The following TBC1D22A variants were observed in gnomAD, a reference collection of about 807,000 sequenced individuals.
The protein encoded by TBC1D22A is TBC1 domain family member 22A, also known as putative GTPase activator.
A neutral mutation model predicts 60.2 loss-of-function variants in TBC1D22A; 38 were observed. The ratio of observed to expected loss-of-function variants is 0.63; its 90% CI spans 0.49 to 0.83. TBC1D22A has a LOEUF of 0.83. Ranked by LOEUF, TBC1D22A falls within the 40% of genes least tolerant of loss-of-function variation. The probability of loss-of-function intolerance (pLI) is 0.00; values close to 1 mark genes in which losing one functional copy is unlikely to be tolerated. For synonymous variants in TBC1D22A, 302 were observed against 281.7 expected (o/e 1.07, Z -0.72); for missense variants, 628 against 701.0 (o/e 0.90, Z 1.18).
At chr22:47,099,073 A>G (rs945974101) in intron 11 of TBC1D22A, among the ~76,000 whole-genome samples, 34 of 152,242 alleles carry the variant, frequency 2.2e-4, no homozygotes, top group African/African-American at 8.0e-4. Context: ...CAGGGGTCCC[A>G]ATGCCAAGGC....
chr22:46,908,009 A>G (rs547601388), intron 7 of TBC1D22A, among the ~76,000 whole-genome samples: 1 of 152,354 alleles, frequency 6.6e-6, no homozygotes, highest in African/African-American at 2.4e-5. Flanking sequence ...CGAGGAGGCC[A>G]GAGAGCAGGG....
In TBC1D22A at chr22:46,862,900, G is replaced by T. The variant is rs1001343402; in HGVS notation, c.638-15753G>T. The stretch of plus-strand genomic sequence containing the variant: ...TCTCTTGAAGAGGCACCGTGGACCC[G>T]ATTTTAGAAATTTCTAAATTAAAAT... On this transcript the variant is annotated intron_variant, in intron 4 of 12. Coordinates refer to ENST00000337137, the MANE Select transcript of TBC1D22A (RefSeq NM_014346.5). Among the ~76,000 whole-genome samples, 4 of 152,174 alleles carry T rather than the reference G, an allele frequency of 2.6e-5. No homozygotes were observed. The East Asian group carries it at 7.7e-4, about 29-fold the overall frequency.
chr22:47,117,910 G>C (rs1255157386), intron 12 of TBC1D22A, among the ~76,000 whole-genome samples: 1 of 152,122 alleles, frequency 6.6e-6, no homozygotes, highest in African/African-American at 2.4e-5. Flanking sequence ...ATCACCTGAG[G>C]TTAGGAGTTC....
chr22:46,793,426 C>T (rs1168566566), intron 2 of TBC1D22A, 75 bp from the exon 3 acceptor site: 20 of 1,443,700 alleles, frequency 1.4e-5, no homozygotes, highest in Non-Finnish European at 1.8e-5. Flanking sequence ...GTCTTTTCAC[C>T]TGGGAATTCT....
chr22:47,078,244 C>T (rs185204774), intron 11 of TBC1D22A, among the ~76,000 whole-genome samples: 1 of 152,228 alleles, frequency 6.6e-6, no homozygotes, highest in Admixed American at 6.5e-5. Context: ...GCTCTCCTGG[C>T]TCTGAGCTCA....
intron 11 of TBC1D22A, among the ~76,000 whole-genome samples, chr22:47,088,803 C>T (rs561231047): frequency 6.6e-6 from 1 of 152,310 alleles, no homozygotes; most frequent in African/African-American, 2.4e-5. Flanking sequence ...TCAATTGCAG[C>T]ATCACCAGGA....
At chr22:46,920,056 T>TACG (rs61175295) in intron 8 of TBC1D22A, among the ~76,000 whole-genome samples, 1 of 128,732 alleles carries the variant, frequency 7.8e-6, no homozygotes, top group African/African-American at 2.8e-5. Context: ...TATGTGTTTG[T>TACG]TTGTATGTAT....
rs112025214 is a variant in TBC1D22A at position 47,172,076 on chromosome 22, A to T, written c.1426-1422A>T. 1.7e-3 allele frequency among the ~76,000 whole-genome samples: 216 copies of T among 124,004 alleles called. 4 individuals are homozygous for T. In the East Asian group the frequency reaches 0.054, roughly 31 times the overall value. The allele number at this position is 124,004 out of a possible 152,430, so 81.4% of individuals were successfully genotyped here. A position where few individuals can be genotyped will look rare whatever the true frequency, so the allele number is the denominator to read the frequency against. On this transcript the variant is annotated intron_variant, in intron 12 of 12. Transcript: ENST00000337137. Reference sequence around the variant, plus strand: ...GTGAGCCTACCCAGCACTCCCAGTGAGCCTACCCAGCACTCCCAGTGAGCT... The same window carrying T: ...GTGAGCCTACCCAGCACTCCCAGTGTGCCTACCCAGCACTCCCAGTGAGCT...
At chr22:46,930,606 C>A (rs2071302589) in intron 8 of TBC1D22A, among the ~76,000 whole-genome samples, 1 of 147,176 alleles carries the variant, frequency 6.8e-6, no homozygotes, top group Non-Finnish European at 1.5e-5. Context: ...CGGGCGCCCA[C>A]CACCACGCCT....
chr22:46,853,488 G>A (rs1156294603), intron 4 of TBC1D22A, among the ~76,000 whole-genome samples: 2 of 152,064 alleles, frequency 1.3e-5, no homozygotes, highest in African/African-American at 4.8e-5. Context: ...TGACTCTTTC[G>A]GGGGCTTCCT....
intron 10 of TBC1D22A, among the ~76,000 whole-genome samples, chr22:47,007,428 T>C (rs116108007): frequency 1.1e-3 from 168 of 152,290 alleles, no homozygotes; most frequent in African/African-American, 3.8e-3. Context: ...TAAGAGCACA[T>C]GGGAGAGGCA....
At chr22:46,963,343 G>A (rs1429803724) in intron 8 of TBC1D22A, among the ~76,000 whole-genome samples, 1 of 152,202 alleles carries the variant, frequency 6.6e-6, no homozygotes, top group Non-Finnish European at 1.5e-5. Flanking sequence ...GTCCCGCAGT[G>A]CTCATCACAC....
intron 9 of TBC1D22A, among the ~76,000 whole-genome samples, chr22:46,989,759 TCACACACA>T (rs35714390): frequency 9.6e-4 from 141 of 146,158 alleles, no homozygotes; most frequent in African/African-American, 3.3e-3. Flanking sequence ...TGTGACAGAG[TCACACACA>T]CACACACACA....
At chr22:47,018,659 G>A (rs2061980854) in intron 10 of TBC1D22A, among the ~76,000 whole-genome samples, 1 of 152,126 alleles carries the variant, frequency 6.6e-6, no homozygotes. Context: ...TCAGGCTTAG[G>A]CTCTAAAGAT....
intron 11 of TBC1D22A, among the ~76,000 whole-genome samples, chr22:47,075,712 T>C (rs945819768): frequency 6.6e-6 from 1 of 152,184 alleles, no homozygotes; most frequent in Non-Finnish European, 1.5e-5. Flanking sequence ...GATAGTTATT[T>C]AAATAAATGT....
At chr22:46,935,854 C>T (rs546464377) in intron 8 of TBC1D22A, among the ~76,000 whole-genome samples, 5 of 145,142 alleles carry the variant, frequency 3.4e-5, no homozygotes, top group Admixed American at 6.9e-5. Context: ...TGAACTCTGA[C>T]CCCGTGTCTC....
chr22:47,055,844 C>T (rs1276133571), intron 11 of TBC1D22A, among the ~76,000 whole-genome samples: 1 of 115,366 alleles, frequency 8.7e-6, no homozygotes, highest in African/African-American at 3.3e-5. Context: ...GTCTGAGTTC[C>T]TGGGCAGTGA....
chr22:47,154,787 C>T (rs910490825), intron 12 of TBC1D22A, among the ~76,000 whole-genome samples: 2 of 152,238 alleles, frequency 1.3e-5, no homozygotes, highest in East Asian at 1.9e-4. Context: ...CCTCCCCACT[C>T]TCAGCGGCCC....
At chr22:47,139,104 C>T (rs2066987127) in intron 12 of TBC1D22A, among the ~76,000 whole-genome samples, 1 of 152,248 alleles carries the variant, frequency 6.6e-6, no homozygotes, top group African/African-American at 2.4e-5. Flanking sequence ...TTTGGCTTGG[C>T]CAAAGCCCTT....
Sources: allele counts gnomAD v4.1 joint callset (sites outside exome capture counted in the v4.1 genomes callset), GRCh38; gene constraint gnomAD v4.1.1; transcripts MANE v1.5; gene names NCBI Gene and HGNC (gene_info 2026-07-23, HGNC 2026-07-21).